DCC: variants seen among roughly 807,000 people sequenced by gnomAD.
DCC encodes netrin receptor DCC.
Under a neutral mutation model 172.5 loss-of-function variants are expected in DCC, and 58 were observed. The ratio of observed to expected loss-of-function variants is 0.34; its 90% CI spans 0.27 to 0.42. The LOEUF (loss-of-function observed/expected upper bound fraction) is 0.42. Among genes scored for constraint, DCC ranks in the 10% least tolerant of loss-of-function variants. The probability of loss-of-function intolerance (pLI) is 1.00; values close to 1 mark genes in which losing one functional copy is unlikely to be tolerated. For missense variants in DCC, 1,740 were observed against 1,791.0 expected, an observed-to-expected ratio of 0.97 and a Z score of 0.51; for synonymous variants, 709 against 644.5, an observed-to-expected ratio of 1.10 and a Z score of -1.52.
chr18:52,927,336 A>T (rs1318235356), intron 5 of DCC, among the ~76,000 whole-genome samples: 1 of 151,186 alleles, frequency 6.6e-6, no homozygotes, highest in Non-Finnish European at 1.5e-5. Flanking sequence ...GAATTGTGTA[A>T]ATTACAAAAT....
At chr18:52,416,315 G>A (rs1355809053) in intron 1 of DCC, among the ~76,000 whole-genome samples, 1 of 151,650 alleles carries the variant, frequency 6.6e-6, no homozygotes, top group African/African-American at 2.4e-5. Flanking sequence ...TTTTGGAATA[G>A]GTGTGGTGTG....
intron 2 of DCC, among the ~76,000 whole-genome samples, chr18:52,812,133 G>A (rs2038212345): frequency 6.6e-6 from 1 of 152,162 alleles, no homozygotes. Flanking sequence ...GAAATTGATT[G>A]AAAATGATTG....
At chr18:52,907,160 TC>T (rs2039895721) in intron 3 of DCC, among the ~76,000 whole-genome samples, 1 of 149,242 alleles carries the variant, frequency 6.7e-6, no homozygotes, top group South Asian at 2.1e-4. Context: ...CATACATATA[TC>T]ATATATATCA....
intron 7 of DCC, among the ~76,000 whole-genome samples, chr18:53,067,373 T>G (rs1246925527): frequency 6.6e-6 from 1 of 151,590 alleles, no homozygotes; most frequent in Non-Finnish European, 1.5e-5. Flanking sequence ...ATAAAAAAAA[T>G]ATATATTTAA....
At chr18:52,539,973 T>A (rs1168663554) in intron 1 of DCC, among the ~76,000 whole-genome samples, 2 of 152,218 alleles carry the variant, frequency 1.3e-5, no homozygotes, top group East Asian at 3.9e-4. Context: ...TCCAGTAGAA[T>A]TGGAATTCTG....
rs77044682 is a variant in DCC, at chr18:53,208,302, T to C, written c.1861+485T>C. Among the ~76,000 whole-genome samples the C allele has an allele frequency of 2.8e-4, 43 of 151,706 alleles. No homozygotes were observed. The East Asian group carries it at 7.4e-3, about 26-fold the overall frequency. ...AATTAAATAAATATATATGTATATA[T>C]GTATATACATATGTATATACTCTTG... On this transcript the variant is annotated intron_variant, in intron 11 of 28. Coordinates refer to ENST00000442544, the MANE Select transcript of DCC (RefSeq NM_005215.4).
At chr18:52,997,841 T>A (rs888064378) in intron 5 of DCC, among the ~76,000 whole-genome samples, 1 of 152,036 alleles carries the variant, frequency 6.6e-6, no homozygotes, top group Non-Finnish European at 1.5e-5. Context: ...TATGATATTC[T>A]TTCTAGAACG....
chr18:52,667,660 C>T (rs111780762), intron 1 of DCC, among the ~76,000 whole-genome samples: 22 of 152,314 alleles, frequency 1.4e-4, no homozygotes, highest in East Asian at 3.9e-4. Flanking sequence ...GATCCAGTCA[C>T]GCTCTGCATA....
At chr18:53,104,437 A>G (rs1286417601) in intron 7 of DCC, among the ~76,000 whole-genome samples, 1 of 152,038 alleles carries the variant, frequency 6.6e-6, no homozygotes, top group Non-Finnish European at 1.5e-5. Context: ...GCCTACTGCC[A>G]TCCATGTAAG....
chr18:53,437,397 G>A (rs377306651), intron 22 of DCC, among the ~76,000 whole-genome samples: 13 of 151,830 alleles, frequency 8.6e-5, no homozygotes, highest in African/African-American at 2.7e-4. Context: ...TGGCTAACAC[G>A]GTGAAACCCT....
At chr18:52,815,540 G>T (rs1455963961) in intron 2 of DCC, among the ~76,000 whole-genome samples, 1 of 151,998 alleles carries the variant, frequency 6.6e-6, no homozygotes, top group Non-Finnish European at 1.5e-5. Context: ...GCCCTTACCA[G>T]GAACCAAGTT....
intron 1 of DCC, among the ~76,000 whole-genome samples, chr18:52,667,213 A>G (rs1400530696): frequency 2.0e-5 from 3 of 152,214 alleles, no homozygotes; most frequent in Non-Finnish European, 4.4e-5. Flanking sequence ...CAGCCTTCCC[A>G]GGGCTGAAGG....
At chr18:53,432,494 G>A (rs1021604021) in intron 21 of DCC, among the ~76,000 whole-genome samples, 3 of 152,158 alleles carry the variant, frequency 2.0e-5, no homozygotes, top group Admixed American at 6.5e-5. Flanking sequence ...TGCATTAGCT[G>A]ACTTTCACTC....
chr18:53,422,002 G>C (rs557436903), intron 21 of DCC, among the ~76,000 whole-genome samples: 1 of 152,112 alleles, frequency 6.6e-6, no homozygotes. Context: ...GTATGTAAGT[G>C]GTGTGAAAGT....
At chr18:52,821,108 T>C (rs1484867620) in intron 2 of DCC, among the ~76,000 whole-genome samples, 2 of 152,322 alleles carry the variant, frequency 1.3e-5, no homozygotes, top group Non-Finnish European at 2.9e-5. Flanking sequence ...CTCTTCCTTA[T>C]CTACTACATT....
intron 1 of DCC, among the ~76,000 whole-genome samples, chr18:52,494,339 A>C (rs2030658377): frequency 6.7e-6 from 1 of 149,812 alleles, no homozygotes; most frequent in Non-Finnish European, 1.5e-5. Flanking sequence ...TCTTGCCTGG[A>C]GTTCACTTAG....
intron 1 of DCC, among the ~76,000 whole-genome samples, chr18:52,429,716 A>G (rs964894552): frequency 3.8e-4 from 58 of 152,296 alleles, no homozygotes; most frequent in Non-Finnish European, 5.4e-4. Flanking sequence ...CACTCATCCA[A>G]ACAAAGCTCC....
At chr18:52,469,417 C>G (rs1341554302) in intron 1 of DCC, among the ~76,000 whole-genome samples, 2 of 152,136 alleles carry the variant, frequency 1.3e-5, no homozygotes, top group South Asian at 4.1e-4. Context: ...TGCTATTAGC[C>G]AACAGTTTAT....
At chr18:52,990,481 G>A (rs2041368257) in intron 5 of DCC, among the ~76,000 whole-genome samples, 1 of 134,586 alleles carries the variant, frequency 7.4e-6, no homozygotes, top group Non-Finnish European at 1.5e-5. Context: ...CGGGGGTTAT[G>A]GTGAACCGAG....
Sources: gnomAD v4.1 joint callset for allele counts (sites outside exome capture counted in the v4.1 genomes callset) on GRCh38, gnomAD v4.1.1 for gene constraint, MANE v1.5 for transcripts, NCBI Gene and HGNC (gene_info 2026-07-23, HGNC 2026-07-21) for gene names.